The following LRRC4C variants were observed in gnomAD, a reference collection of about 807,000 sequenced individuals.
LRRC4C encodes the protein leucine rich repeat containing 4C.
Under a neutral mutation model 33.6 loss-of-function variants are expected in LRRC4C, and 5 were observed. The ratio of observed to expected loss-of-function variants is 0.15; its 90% confidence interval spans 0.08 to 0.31. The LOEUF is 0.31. Ranked by LOEUF, LRRC4C falls within the 10% of genes least tolerant of loss-of-function variation. The pLI is 1.00. For synonymous variants in LRRC4C, 329 were observed against 302.0 expected, an observed-to-expected ratio of 1.09 and a Z score of -0.93; for missense variants, 560 against 796.7, an observed-to-expected ratio of 0.70 and a Z score of 3.58.
At chr11:41,298,687 T>G (rs942795384) in intron 1 of LRRC4C, among the ~76,000 whole-genome samples, 2 of 152,202 alleles carry the variant, frequency 1.3e-5, no homozygotes, top group Non-Finnish European at 2.9e-5. Context: ...TGCAGTTTTT[T>G]TACATAGATA....
intron 2 of LRRC4C, among the ~76,000 whole-genome samples, chr11:40,748,981 A>G (rs1342005054): frequency 4.6e-5 from 7 of 152,152 alleles, no homozygotes; most frequent in Admixed American, 3.9e-4. Flanking sequence ...CCAGATGTAT[A>G]AAGCAAATAA....
chr11:41,443,927 G>A (rs1955737668), intron 1 of LRRC4C, among the ~76,000 whole-genome samples: 1 of 151,770 alleles, frequency 6.6e-6, no homozygotes, highest in Non-Finnish European at 1.5e-5. Context: ...CCAGCCGGGA[G>A]CCTCAATTTC....
chr11:40,161,989 C>T (rs1043307963), intron 5 of LRRC4C, among the ~76,000 whole-genome samples: 9 of 152,064 alleles, frequency 5.9e-5, no homozygotes, highest in African/African-American at 2.2e-4. Flanking sequence ...GTCCTGGAGG[C>T]TGAGAAGTCA....
chr11:40,782,361 C>G (rs1000375460), intron 2 of LRRC4C, among the ~76,000 whole-genome samples: 1 of 152,060 alleles, frequency 6.6e-6, no homozygotes, highest in East Asian at 1.9e-4. Flanking sequence ...GGTATGGCTG[C>G]TCTCACTTTT....
Position 40,148,922 on chromosome 11 carries a change from A to G in LRRC4C, c.-95-8069T>C, listed in dbSNP as rs546233581. On this transcript the variant is annotated intron_variant, in intron 5 of 6. Transcript: ENST00000528697. ...ATGGCTAGCCAGTTACCCCAGCACTATTAATTGAATATGGAGTCCTTTCCA... is the reference window on the plus strand; with the variant it reads ...ATGGCTAGCCAGTTACCCCAGCACTGTTAATTGAATATGGAGTCCTTTCCA... 1.4e-4 allele frequency among the ~76,000 whole-genome samples: 22 copies of G among 152,340 alleles called. No individual in the cohort carries two copies. The South Asian group carries it at 4.1e-3, about 29-fold the overall frequency.
At chr11:41,323,874 AT>A (rs1323868232) in intron 1 of LRRC4C, among the ~76,000 whole-genome samples, 1 of 152,222 alleles carries the variant, frequency 6.6e-6, no homozygotes, top group African/African-American at 2.4e-5. Flanking sequence ...TTTAAATTAT[AT>A]TTTATATAAG....
intron 1 of LRRC4C, among the ~76,000 whole-genome samples, chr11:40,987,743 C>T (rs983145872): frequency 6.2e-5 from 9 of 145,554 alleles, no homozygotes; most frequent in South Asian, 2.2e-4. Flanking sequence ...TTAAAAAAAT[C>T]GTGGTCTCTT....
At chr11:40,345,595 C>T (rs1947089977) in intron 3 of LRRC4C, among the ~76,000 whole-genome samples, 1 of 151,934 alleles carries the variant, frequency 6.6e-6, no homozygotes, top group Admixed American at 6.6e-5. Flanking sequence ...CTATAAAAAC[C>T]CTGACAAATA....
At chr11:41,096,163 G>T (rs1278372326) in intron 1 of LRRC4C, among the ~76,000 whole-genome samples, 1 of 151,906 alleles carries the variant, frequency 6.6e-6, no homozygotes, top group Non-Finnish European at 1.5e-5. Context: ...ATATATAGGG[G>T]CACACTCATT....
intron 1 of LRRC4C, among the ~76,000 whole-genome samples, chr11:41,063,453 A>G (rs986242378): frequency 6.6e-6 from 1 of 152,174 alleles, no homozygotes; most frequent in Non-Finnish European, 1.5e-5. Flanking sequence ...GTATATAAGA[A>G]TGATGGAGAG....
rs532028761 is a variant in LRRC4C at position 41,408,537 on chromosome 11, T to C, written c.-496+50894A>G. Among the ~76,000 whole-genome samples the C allele has an allele frequency of 2.0e-5, 3 of 152,258 alleles. No homozygotes were observed. In the East Asian group the frequency reaches 5.8e-4, roughly 29 times the overall value. ...AGGCTCTGATTAGGACTTAGAATAC[T>C]GTACCAATGTTTGAGAGTTAAGTAT... On this transcript the variant is annotated intron_variant, in intron 1 of 6. Transcript: ENST00000528697.
chr11:40,921,193 G>C (rs1298368815), intron 2 of LRRC4C, among the ~76,000 whole-genome samples: 1 of 152,132 alleles, frequency 6.6e-6, no homozygotes, highest in Non-Finnish European at 1.5e-5. Context: ...AAAGTGCTGG[G>C]ATTACAGGCC....
intron 3 of LRRC4C, among the ~76,000 whole-genome samples, chr11:40,455,847 G>A (rs991840803): frequency 6.6e-6 from 1 of 151,878 alleles, no homozygotes; most frequent in Non-Finnish European, 1.5e-5. Context: ...TCTCTGTGTT[G>A]GCCAACTCAT....
chr11:40,756,388 AC>A (rs1242070858), intron 2 of LRRC4C, among the ~76,000 whole-genome samples: 1 of 152,008 alleles, frequency 6.6e-6, no homozygotes, highest in Admixed American at 6.6e-5. Context: ...TCTTTGGTAA[AC>A]CTTGTGTTTA....
chr11:41,233,543 C>T (rs1433376446), intron 1 of LRRC4C, among the ~76,000 whole-genome samples: 2 of 151,880 alleles, frequency 1.3e-5, no homozygotes, highest in Admixed American at 6.6e-5. Context: ...CACATAAAAA[C>T]GCCTAGAAGA....
intron 2 of LRRC4C, among the ~76,000 whole-genome samples, chr11:40,891,617 T>G (rs534422512): frequency 6.6e-6 from 1 of 152,208 alleles, no homozygotes; most frequent in East Asian, 1.9e-4. Flanking sequence ...TTTTTCAAAC[T>G]AAGACAAACA....
rs56027023 is a variant in LRRC4C, at chr11:40,274,424, TACACACACACACAC to T, written c.-175-32840_-175-32827del. ...TTACCCTGCGGAATAGACACACACA[TACACACACACACAC>T]ACACACACACACACACACACACACA... On this transcript the variant is annotated intron_variant, in intron 4 of 6. Transcript: ENST00000528697. Among the ~76,000 whole-genome samples, 167 of 139,058 alleles carry T rather than the reference TACACACACACACAC, an allele frequency of 1.2e-3. 1 individual carries two copies. The highest frequency in any genetic ancestry group is 3.9e-3 in the African/African-American group (145 of 36,906). The allele number at this position is 139,058 out of a possible 152,430, so 91.2% of individuals were successfully genotyped here.
At chr11:40,788,034 AG>A (rs1443381915) in intron 2 of LRRC4C, among the ~76,000 whole-genome samples, 10 of 152,202 alleles carry the variant, frequency 6.6e-5, no homozygotes, top group Non-Finnish European at 1.5e-4. Flanking sequence ...CCCACAATTT[AG>A]GCAGGGAGGT....
intron 1 of LRRC4C, among the ~76,000 whole-genome samples, chr11:41,348,422 G>T (rs1951867588): frequency 6.6e-6 from 1 of 152,056 alleles, no homozygotes; most frequent in Non-Finnish European, 1.5e-5. Context: ...ATAGAGTTGT[G>T]CTGTCTACCA....
Sources: allele counts gnomAD v4.1 joint callset (sites outside exome capture counted in the v4.1 genomes callset), GRCh38; gene constraint gnomAD v4.1.1; transcripts MANE v1.5; gene names NCBI Gene and HGNC (gene_info 2026-07-23, HGNC 2026-07-21).